Variants in ALG8 observed in about 807,000 individuals in gnomAD.
ALG8 encodes the protein ALG8 alpha-1,3-glucosyltransferase.
Under a neutral mutation model 70.2 loss-of-function variants are expected in ALG8, and 48 were observed. That is an observed-to-expected ratio of 0.68 (90% confidence interval 0.54 to 0.87). The LOEUF (loss-of-function observed/expected upper bound fraction) is 0.87. Among genes scored for constraint, ALG8 ranks in the 40% least tolerant of loss-of-function variants. The pLI, the probability that ALG8 is intolerant of heterozygous loss-of-function variation, is 0.00. For missense variants in ALG8, 572 were observed against 608.7 expected (o/e 0.94, Z 0.64); for synonymous variants, 234 against 229.0 (o/e 1.02, Z -0.20).
intron 3 of ALG8, among the ~76,000 whole-genome samples, chr11:78,121,940 C>T (rs1336029450): frequency 1.3e-5 from 2 of 152,094 alleles, no homozygotes; most frequent in African/African-American, 2.4e-5. Context: ...CAGTAAGATC[C>T]TATTTTTATT....
chr11:78,128,610 T>A (rs957953571), intron 1 of ALG8, among the ~76,000 whole-genome samples: 11 of 146,578 alleles, frequency 7.5e-5, no homozygotes, highest in Non-Finnish European at 1.3e-4. Context: ...ACTCCCAAAT[T>A]ACTTTTTTTT....
chr11:78,135,708 C>A (rs1861514127), intron 1 of ALG8, among the ~76,000 whole-genome samples: 1 of 151,874 alleles, frequency 6.6e-6, no homozygotes, highest in Non-Finnish European at 1.5e-5. Flanking sequence ...ATTAGCAGGG[C>A]ATGATGGTGT....
intron 4 of ALG8, among the ~76,000 whole-genome samples, 167 bp from the exon 5 acceptor site, chr11:78,119,416 ATTTTTTTTTTAATTTT>A (rs955407086): frequency 2.2e-5 from 3 of 139,258 alleles, no homozygotes; most frequent in African/African-American, 5.9e-5. Context: ...ACAGATTCAA[ATTTTTTTTTTAATTTT>A]TTTTTTTTTT....
chr11:78,121,839 G>A (rs1860839111), intron 3 of ALG8, among the ~76,000 whole-genome samples: 1 of 152,066 alleles, frequency 6.6e-6, no homozygotes. Flanking sequence ...CCTCCTGACT[G>A]TCCAAATTAT....
chr11:78,112,424 C>A, intron 8 of ALG8: 1 of 513,906 alleles, frequency 1.9e-6, no homozygotes, highest in Admixed American at 3.2e-5. Context: ...AGGAAAGGAT[C>A]AATAACCTCA....
chr11:78,128,615 T>TC (rs1399263557), intron 1 of ALG8, among the ~76,000 whole-genome samples: 1 of 150,428 alleles, frequency 6.6e-6, no homozygotes, highest in Non-Finnish European at 1.5e-5. Flanking sequence ...CAAATTACTT[T>TC]TTTTTTTTTT....
chr11:78,114,455 G>A (rs1235308167), intron 5 of ALG8, 63 bp from the exon 6 acceptor site: 4 of 1,584,690 alleles, frequency 2.5e-6, no homozygotes, highest in Non-Finnish European at 8.6e-7. Context: ...CAATAATGTG[G>A]TATTCTAGAT....
intron 1 of ALG8, chr11:78,139,198 C>T: frequency 2.2e-6 from 1 of 446,882 alleles, no homozygotes; most frequent in Non-Finnish European, 4.1e-6. Context: ...TCTGATAATA[C>T]TGGCTGAATG....
intron 1 of ALG8, among the ~76,000 whole-genome samples, chr11:78,138,120 TG>T (rs1861623605): frequency 6.6e-6 from 1 of 151,998 alleles, no homozygotes; most frequent in African/African-American, 2.4e-5. Context: ...CCGAGGCAGG[TG>T]GATCACTTGA....
At position 78,110,100 on chromosome 11, in the gene ALG8, T is replaced by G. The variant is rs7933414; in HGVS notation, c.899-519A>C. 1.0e-3 allele frequency among the ~76,000 whole-genome samples: 155 copies of G among 152,284 alleles called. 1 individual carries two copies. The highest frequency in any genetic ancestry group is 3.4e-3 in the African/African-American group (143 of 41,564). ...ACCTGTGTCCCTCTGCCCAGGCAACTCCCTTTGCCAAATTAACTTCTAATT... is the reference window on the plus strand; with the variant it reads ...ACCTGTGTCCCTCTGCCCAGGCAACGCCCTTTGCCAAATTAACTTCTAATT... On this transcript the variant is annotated intron_variant, in intron 8 of 12. Transcript: ENST00000299626.
chr11:78,138,032 G>T (rs1426439659), intron 1 of ALG8, among the ~76,000 whole-genome samples: 1 of 152,092 alleles, frequency 6.6e-6, no homozygotes. Flanking sequence ...TTCTTAACCT[G>T]GACCAAGAGC....
intron 8 of ALG8, chr11:78,112,432 T>C (rs1371803123): frequency 1.9e-6 from 1 of 539,790 alleles, no homozygotes; most frequent in African/African-American, 1.9e-5. Flanking sequence ...ATCAATAACC[T>C]CATTACCACA....
intron 8 of ALG8, among the ~76,000 whole-genome samples, chr11:78,110,420 G>A (rs1860235742): frequency 6.6e-6 from 1 of 152,164 alleles, no homozygotes; most frequent in African/African-American, 2.4e-5. Context: ...TCGAGCTCCT[G>A]ACTTCAGGTG....
chr11:78,104,841 G>A (rs1049266851), intron 10 of ALG8, among the ~76,000 whole-genome samples: 1 of 151,964 alleles, frequency 6.6e-6, no homozygotes, highest in East Asian at 1.9e-4. Context: ...GCGGGTGCTT[G>A]TAATCCCAGC....
Position 78,121,064 on chromosome 11 carries a change from C to T in ALG8, c.478+1G>A, listed in dbSNP as rs139832787. ...AATAGTACATAGAATATCAAGGATA[C>T]GGTCCACAATTAATAACCCGAAGTT... On this transcript the variant is annotated splice_donor_variant, in intron 4 of 12. Coordinates refer to ENST00000299626, the MANE Select transcript of ALG8 (RefSeq NM_024079.5). LOFTEE classifies it high-confidence loss of function. 2.1e-4 allele frequency: 331 copies of T among 1,606,784 alleles called. No homozygotes were observed. Among genetic ancestry groups the T allele is most frequent in the African/African-American group, 1.0e-3 (75 of 74,866 alleles).
At chr11:78,128,214 C>T (rs487254) in intron 1 of ALG8, among the ~76,000 whole-genome samples, 33,180 of 152,144 alleles carry the variant, frequency 0.22, 4,478 homozygotes, top group African/African-American at 0.38. Context: ...CATCACTATA[C>T]ATATCTAAGG....
At chr11:78,125,577 C>T (rs1301320280) in intron 2 of ALG8, among the ~76,000 whole-genome samples, 1 of 146,256 alleles carries the variant, frequency 6.8e-6, no homozygotes, top group South Asian at 2.2e-4. Context: ...ACCAGCCTGA[C>T]CAACGTGGTG....
At chr11:78,127,119 C>T (rs1392501467) in intron 2 of ALG8, among the ~76,000 whole-genome samples, 1 of 151,914 alleles carries the variant, frequency 6.6e-6, no homozygotes, top group Non-Finnish European at 1.5e-5. Flanking sequence ...GCTGGGATTA[C>T]AGGTGCCCAC....
rs1860183179 is a variant in ALG8 at position 78,109,439 on chromosome 11, T to C, written c.1038+3A>G. ...AAATGAGCACCATCTGTTGAGTTCT[T>C]ACCAATATGGCAATCAGTGTGCAGA... On this transcript the variant is annotated splice_donor_region_variant and intron_variant, in intron 9 of 12. Transcript: ENST00000299626. 6.2e-7 allele frequency: 1 copy of C among 1,614,062 alleles called. No homozygotes were observed. The highest frequency in any genetic ancestry group is 8.5e-7 in the Non-Finnish European group (1 of 1,180,018).
Sources: allele counts gnomAD v4.1 joint callset (sites outside exome capture counted in the v4.1 genomes callset), GRCh38; gene constraint gnomAD v4.1.1; transcripts MANE v1.5; gene names NCBI Gene and HGNC (gene_info 2026-07-23, HGNC 2026-07-21).